Variants in CRISP2 observed in about 807,000 individuals in gnomAD.
The protein encoded by CRISP2 is cysteine rich secretory protein 2, also known as cysteine-rich secretory protein 2.
In CRISP2, 29 loss-of-function variants were observed where a neutral mutation model predicts 31.7. The observed-to-expected ratio is 0.92, with a 90% CI of 0.68 to 1.25. The LOEUF is 1.25. CRISP2 is among the 50% of genes most tolerant of loss of function. The probability of loss-of-function intolerance (pLI) is 0.00; values close to 1 mark genes in which losing one functional copy is unlikely to be tolerated. For synonymous variants in CRISP2, 111 were observed against 101.4 expected (o/e 1.09, Z -0.57); for missense variants, 318 against 286.5 (o/e 1.11, Z -0.79).
chr6:49,683,159 A>AAAATAAATAAATAAATAAAT, the CRISP2 span, among the ~76,000 whole-genome samples: 5 of 141,582 alleles, frequency 3.5e-5, no homozygotes, highest in Non-Finnish European at 7.6e-5. Context: ...ACTCCATCTC[A>AAAATAAATAAATAAATAAAT]AAATAAATAA....
chr6:49,700,001 A>C, intron 5 of CRISP2, 110 bp from the exon 6 acceptor site: 1 of 890,106 alleles, frequency 1.1e-6, no homozygotes, highest in Non-Finnish European at 1.8e-6. Flanking sequence ...GTATTCTCTA[A>C]TACTACTGTT....
chr6:49,694,519 C>T (rs1301479640), intron 9 of CRISP2, among the ~76,000 whole-genome samples: 1 of 151,956 alleles, frequency 6.6e-6, no homozygotes, highest in Non-Finnish European at 1.5e-5. Flanking sequence ...GTGGCAGGCT[C>T]AGTACTAAAT....
intron 8 of CRISP2, chr6:49,697,659 A>G: frequency 7.0e-7 from 1 of 1,422,568 alleles, no homozygotes; most frequent in Non-Finnish European, 9.5e-7. Flanking sequence ...GAGGAATGAG[A>G]GCTTCAGTTT....
At chr6:49,709,805 CA>C (rs992522921) in intron 3 of CRISP2, among the ~76,000 whole-genome samples, 20 of 152,000 alleles carry the variant, frequency 1.3e-4, no homozygotes, top group Non-Finnish European at 2.8e-4. Flanking sequence ...TCTCTGTATA[CA>C]AAAAATACAA....
chr6:49,684,996 G>T, the CRISP2 span, among the ~76,000 whole-genome samples: 1 of 152,102 alleles, frequency 6.6e-6, no homozygotes, highest in South Asian at 2.1e-4. Flanking sequence ...ACAGCTCTGG[G>T]ATGCTAAGGA....
the CRISP2 span, among the ~76,000 whole-genome samples, chr6:49,678,497 G>GA: frequency 1.3e-5 from 2 of 152,138 alleles, no homozygotes; most frequent in East Asian, 1.9e-4. Context: ...GGAGACAAAA[G>GA]AAAGTTATTT....
the CRISP2 span, among the ~76,000 whole-genome samples, chr6:49,676,685 G>T: frequency 4.6e-5 from 7 of 152,068 alleles, no homozygotes; most frequent in Admixed American, 2.6e-4. Context: ...TAATCACAAG[G>T]CCTTTGAACT....
At chr6:49,689,885 G>A (rs1478788253), downstream of CRISP2, among the ~76,000 whole-genome samples, 1 of 152,002 alleles carries the variant, frequency 6.6e-6, no homozygotes, top group Non-Finnish European at 1.5e-5. Context: ...GAGAAACCAA[G>A]TTAGAGGACA....
chr6:49,697,695 C>T lies in CRISP2; in HGVS notation c.515+165G>A, dbSNP rs931026776. On this transcript the variant is annotated intron_variant, in intron 8 of 9. Coordinates refer to ENST00000339139, the MANE Select transcript of CRISP2 (RefSeq NM_003296.4). ...TTATACCTGAAAGTGAGAAGTTGTT[C>T]TCCTCTGAGAAGTTGAAAGTGTCTC... 4.6e-6 allele frequency: 7 copies of T among 1,514,716 alleles called. No individual in the cohort carries two copies. In the East Asian group the frequency reaches 1.6e-4, roughly 34 times the overall value. 93.8% of individuals were successfully genotyped at this position (1,514,716 alleles called of 1,614,324 possible). A position where few individuals can be genotyped will look rare whatever the true frequency, so the allele number is the denominator to read the frequency against.
intron 4 of CRISP2, 56 bp downstream of exon 4, chr6:49,709,075 T>C: frequency 6.8e-7 from 1 of 1,473,540 alleles, no homozygotes; most frequent in Non-Finnish European, 9.5e-7. Context: ...CAGAATAGCC[T>C]GCCATACCAC....
downstream of CRISP2, among the ~76,000 whole-genome samples, chr6:49,689,176 T>C (rs1763975060): frequency 6.6e-6 from 1 of 152,134 alleles, no homozygotes; most frequent in South Asian, 2.1e-4. Context: ...GCCTGGATTA[T>C]GAATTTCTGA....
chr6:49,682,827 C>T, the CRISP2 span, among the ~76,000 whole-genome samples: 1 of 149,640 alleles, frequency 6.7e-6, no homozygotes, highest in East Asian at 2.0e-4. Context: ...TCCTTCCCTC[C>T]ATCCCTTCCT....
downstream of CRISP2, among the ~76,000 whole-genome samples, chr6:49,689,227 C>T (rs1324120333): frequency 2.0e-5 from 3 of 152,094 alleles, no homozygotes; most frequent in Non-Finnish European, 4.4e-5. Context: ...TTTAAAACCA[C>T]CACACATATT....
At chr6:49,688,667 G>C (rs1343658852), downstream of CRISP2, among the ~76,000 whole-genome samples, 1 of 152,098 alleles carries the variant, frequency 6.6e-6, no homozygotes, top group Non-Finnish European at 1.5e-5. Context: ...TCTATGCTGA[G>C]AGCCTCTTTC....
chr6:49,680,462 T>C, the CRISP2 span, among the ~76,000 whole-genome samples: 120 of 152,314 alleles, frequency 7.9e-4, no homozygotes, highest in Non-Finnish European at 1.3e-3. Flanking sequence ...GCAATTAACA[T>C]ATATGTGCAC....
At chr6:49,677,456 G>A in the CRISP2 span, among the ~76,000 whole-genome samples, 711 of 152,202 alleles carry the variant, frequency 4.7e-3, 19 homozygotes, top group Admixed American at 0.043. Flanking sequence ...TAGAGTTGAT[G>A]TTTCTTGTTT....
At chr6:49,683,197 AATAG>A in the CRISP2 span, among the ~76,000 whole-genome samples, 1 of 145,092 alleles carries the variant, frequency 6.9e-6, no homozygotes, top group Non-Finnish European at 1.5e-5. Context: ...TAAATAAATA[AATAG>A]AGACATGCAG....
At chr6:49,709,264 G>C in intron 3 of CRISP2, 59 bp from the exon 4 acceptor site, 1 of 1,395,656 alleles carries the variant, frequency 7.2e-7, no homozygotes, top group South Asian at 1.2e-5. Context: ...ACTTCTAAGA[G>C]GGGGAATACC....
At chr6:49,698,261 G>T in intron 7 of CRISP2, 101 bp downstream of exon 7, 1 of 1,354,260 alleles carries the variant, frequency 7.4e-7, no homozygotes, top group Non-Finnish European at 1.0e-6. Flanking sequence ...CTACCCACTC[G>T]GACTGTTCTC....
Sources: allele counts gnomAD v4.1 joint callset (sites outside exome capture counted in the v4.1 genomes callset), GRCh38; gene constraint gnomAD v4.1.1; transcripts MANE v1.5; gene names NCBI Gene and HGNC (gene_info 2026-07-23, HGNC 2026-07-21).